SKIC2: variants seen among roughly 807,000 people sequenced by gnomAD.
SKIC2 encodes SKI2 subunit of superkiller complex, also known as superkiller complex protein 2.
chr6:31,967,721 TCGAACTCCA>T, the SKIC2 span: 1 of 1,612,874 alleles, frequency 6.2e-7, no homozygotes, highest in Non-Finnish European at 8.5e-7. This position sits in a 1 kb window ranked among gnomAD's most constrained non-coding sequence, Gnocchi z 4.9. Context: ...CCAGGTCTCC[TCGAACTCCA>T]CCAGCAGAGT....
At chr6:31,966,779 A>T in the SKIC2 span, 5 of 1,614,076 alleles carry the variant, frequency 3.1e-6, no homozygotes, top group Non-Finnish European at 4.2e-6. The surrounding 1 kb of genome is among the most constrained non-coding windows in gnomAD (Gnocchi z 5.9). Flanking sequence ...CTGCGAGTGG[A>T]TGCCCTCAGG....
the SKIC2 span, chr6:31,959,316 C>G: frequency 6.2e-7 from 1 of 1,613,870 alleles, no homozygotes. Flanking sequence ...CTCCAGATCC[C>G]CTGGACCTAC....
chr6:31,966,263 A>AT, the SKIC2 span, among the ~76,000 whole-genome samples: 2,899 of 142,386 alleles, frequency 0.02, 40 homozygotes, highest in South Asian at 0.038. This position sits in a 1 kb window ranked among gnomAD's most constrained non-coding sequence, Gnocchi z 5.9. Flanking sequence ...GGCCTGGCTA[A>AT]TTTTTTTTTT....
the SKIC2 span, chr6:31,961,333 C>T: frequency 6.3e-7 from 1 of 1,588,110 alleles, no homozygotes; most frequent in Non-Finnish European, 8.5e-7. Context: ...TTCAGCCTCT[C>T]CCTGCAGTGC....
chr6:31,961,562 G>A, the SKIC2 span: 1 of 1,611,148 alleles, frequency 6.2e-7, no homozygotes, highest in Non-Finnish European at 8.5e-7. Flanking sequence ...GTCCACAGCT[G>A]TATCCACCCC....
At chr6:31,961,585 G>A in the SKIC2 span, 9 of 1,612,828 alleles carry the variant, frequency 5.6e-6, no homozygotes, top group African/African-American at 5.3e-5. Flanking sequence ...AGGCCCCAGA[G>A]CCTCCATCTC....
the SKIC2 span, chr6:31,963,984 C>G: frequency 5.0e-6 from 8 of 1,612,590 alleles, no homozygotes; most frequent in Non-Finnish European, 6.8e-6. This position sits in a 1 kb window ranked among gnomAD's most constrained non-coding sequence, Gnocchi z 5.3. Context: ...TGGTGTTCAC[C>G]TTCTCCCGGG....
At chr6:31,967,883 T>C in the SKIC2 span, 1 of 1,612,964 alleles carries the variant, frequency 6.2e-7, no homozygotes, top group African/African-American at 1.3e-5. The surrounding 1 kb of genome is among the most constrained non-coding windows in gnomAD (Gnocchi z 4.9). Flanking sequence ...GGCAGATGTC[T>C]GTTTTCTGCC....
the SKIC2 span, chr6:31,961,957 G>T: frequency 6.2e-7 from 1 of 1,613,030 alleles, no homozygotes; most frequent in Non-Finnish European, 8.5e-7. Flanking sequence ...CCTGCACTTG[G>T]AACGGCATGA....
At chr6:31,962,636 C>T in the SKIC2 span, 126 of 1,607,330 alleles carry the variant, frequency 7.8e-5, 1 homozygote, top group East Asian at 2.3e-3. This position sits in a 1 kb window ranked among gnomAD's most constrained non-coding sequence, Gnocchi z 5.0. Context: ...AAGATGTGGC[C>T]GTTGTGGAGA....
At chr6:31,960,758 G>A in the SKIC2 span, 5 of 1,527,300 alleles carry the variant, frequency 3.3e-6, no homozygotes, top group South Asian at 5.2e-5. Context: ...GGGGCTCTGA[G>A]TCTGAGCCTT....
the SKIC2 span, among the ~76,000 whole-genome samples, chr6:31,965,160 C>T: frequency 3.9e-5 from 6 of 152,168 alleles, no homozygotes; most frequent in Non-Finnish European, 4.4e-5. The surrounding 1 kb of genome is among the most constrained non-coding windows in gnomAD (Gnocchi z 5.6). Context: ...CTATATCATA[C>T]TCTGAGCTTA....
At chr6:31,968,444 A>G in the SKIC2 span, 2 of 1,612,786 alleles carry the variant, frequency 1.2e-6, no homozygotes, top group Non-Finnish European at 1.7e-6. This position sits in a 1 kb window ranked among gnomAD's most constrained non-coding sequence, Gnocchi z 6.1. Flanking sequence ...CAGCTCAAAG[A>G]TATGTCAGTT....
the SKIC2 span, chr6:31,960,418 A>C: frequency 6.2e-7 from 1 of 1,608,582 alleles, no homozygotes; most frequent in Non-Finnish European, 8.5e-7. Flanking sequence ...TGGGGCTCTG[A>C]TCTCTTGCCT....
the SKIC2 span, chr6:31,968,964 A>T: frequency 6.2e-7 from 1 of 1,612,882 alleles, no homozygotes; most frequent in Non-Finnish European, 8.5e-7. The surrounding 1 kb of genome is among the most constrained non-coding windows in gnomAD (Gnocchi z 6.1). Flanking sequence ...GTTGCTCCTC[A>T]CTGAGCTCAT....
the SKIC2 span, chr6:31,969,523 C>T: frequency 5.6e-6 from 9 of 1,613,140 alleles, no homozygotes; most frequent in East Asian, 4.5e-5. This position sits in a 1 kb window ranked among gnomAD's most constrained non-coding sequence, Gnocchi z 6.1. Context: ...AGCCCTTCTC[C>T]GAGTTGGCAG....
chr6:31,964,730 C>T, the SKIC2 span, among the ~76,000 whole-genome samples: 5 of 152,148 alleles, frequency 3.3e-5, no homozygotes, highest in East Asian at 1.9e-4. This position sits in a 1 kb window ranked among gnomAD's most constrained non-coding sequence, Gnocchi z 5.0. Flanking sequence ...TAGTTCATGC[C>T]GAGTGTTGCC....
chr6:31,969,212 T>C, the SKIC2 span: 1 of 1,590,592 alleles, frequency 6.3e-7, no homozygotes, highest in East Asian at 2.2e-5. The surrounding 1 kb of genome is among the most constrained non-coding windows in gnomAD (Gnocchi z 6.1). Flanking sequence ...AATGGCTGCC[T>C]TCTTGATCTG....
the SKIC2 span, chr6:31,967,717 C>G: frequency 6.2e-7 from 1 of 1,612,890 alleles, no homozygotes; most frequent in Non-Finnish European, 8.5e-7. This position sits in a 1 kb window ranked among gnomAD's most constrained non-coding sequence, Gnocchi z 4.9. Flanking sequence ...ACCCCCAGGT[C>G]TCCTCGAACT....
Sources: allele counts gnomAD v4.1 joint callset (sites outside exome capture counted in the v4.1 genomes callset), GRCh38; gene constraint gnomAD v4.1.1; non-coding constraint Gnocchi (gnomAD v3.1); transcripts MANE v1.5; gene names NCBI Gene and HGNC (gene_info 2026-07-23, HGNC 2026-07-21).